Variants in FHIT observed in about 807,000 individuals in gnomAD.
FHIT encodes the protein fragile histidine triad diadenosine triphosphatase, also known as bis(5'-adenosyl)-triphosphatase.
Under a neutral mutation model 17.9 loss-of-function variants are expected in FHIT, and 19 were observed. The ratio of observed to expected loss-of-function variants is 1.06; its 90% CI spans 0.74 to 1.56. FHIT has a LOEUF of 1.56. Ranked by LOEUF, FHIT falls within the 40% of genes most tolerant of loss-of-function variation. FHIT has a pLI of 0.00. For missense variants in FHIT, 248 were observed against 189.2 expected (o/e 1.31, Z -1.82); for synonymous variants, 81 against 69.7 (o/e 1.16, Z -0.81).
intron 5 of FHIT, among the ~76,000 whole-genome samples, chr3:60,435,547 A>T (rs2030145655): frequency 6.6e-6 from 1 of 152,070 alleles, no homozygotes; most frequent in South Asian, 2.1e-4. Flanking sequence ...AAAGGCTAAT[A>T]CCTCCAGGGC....
intron 5 of FHIT, among the ~76,000 whole-genome samples, chr3:60,471,050 C>T (rs1434113414): frequency 2.0e-5 from 3 of 152,328 alleles, no homozygotes; most frequent in Admixed American, 6.5e-5. Flanking sequence ...CAGGACTCTG[C>T]CTGGTGCCCT....
At chr3:60,935,134 A>G (rs576582205) in intron 3 of FHIT, among the ~76,000 whole-genome samples, 6 of 152,330 alleles carry the variant, frequency 3.9e-5, no homozygotes, top group South Asian at 2.1e-4. Context: ...TTACAAAAAA[A>G]TCTTAATCTG....
At chr3:60,464,210 A>T (rs1057379573) in intron 5 of FHIT, among the ~76,000 whole-genome samples, 37 of 152,188 alleles carry the variant, frequency 2.4e-4, no homozygotes, top group Non-Finnish European at 4.0e-4. Context: ...CCCTGCATTC[A>T]TTTTTTTAAA....
At chr3:60,629,077 AG>A (rs2039371927) in intron 4 of FHIT, among the ~76,000 whole-genome samples, 1 of 152,152 alleles carries the variant, frequency 6.6e-6, no homozygotes, top group African/African-American at 2.4e-5. Flanking sequence ...GGTAGGTGGA[AG>A]AAGGTAATTC....
chr3:59,974,999 T>A (rs1015661408), intron 7 of FHIT, among the ~76,000 whole-genome samples: 1 of 152,156 alleles, frequency 6.6e-6, no homozygotes, highest in African/African-American at 2.4e-5. Context: ...CTTTTCTTCA[T>A]TGCACTAATC....
intron 4 of FHIT, among the ~76,000 whole-genome samples, chr3:60,759,125 C>T (rs79517905): frequency 0.012 from 1,868 of 152,046 alleles, 17 homozygotes; most frequent in Non-Finnish European, 0.018. Context: ...ATCAGGGAGA[C>T]GGCAGGGACA....
intron 5 of FHIT, among the ~76,000 whole-genome samples, chr3:60,235,451 C>T (rs192719381): frequency 2.6e-5 from 4 of 152,122 alleles, no homozygotes; most frequent in Non-Finnish European, 4.4e-5. Flanking sequence ...AGGCTGGTCT[C>T]GAACTCCTGA....
chr3:61,190,195 G>T (rs1417749345), intron 2 of FHIT, among the ~76,000 whole-genome samples: 2 of 151,986 alleles, frequency 1.3e-5, no homozygotes, highest in African/African-American at 2.4e-5. Flanking sequence ...TCTGACAAAG[G>T]GCTAATATGC....
chr3:59,834,610 C>T (rs1701277868), intron 8 of FHIT, among the ~76,000 whole-genome samples: 1 of 152,168 alleles, frequency 6.6e-6, no homozygotes, highest in South Asian at 2.1e-4. Flanking sequence ...TTACTGTATC[C>T]TCACGTGGTG....
chr3:60,634,285 A>C (rs946936774), intron 4 of FHIT, among the ~76,000 whole-genome samples: 12 of 144,230 alleles, frequency 8.3e-5, no homozygotes, highest in Non-Finnish European at 1.7e-4. Context: ...CACCACTCTA[A>C]AACAACAAAA....
intron 5 of FHIT, among the ~76,000 whole-genome samples, chr3:60,338,834 C>T (rs1710371939): frequency 6.6e-6 from 1 of 152,118 alleles, no homozygotes; most frequent in Non-Finnish European, 1.5e-5. Flanking sequence ...GCAAATTAAG[C>T]CTTCCCTCAG....
At chr3:60,853,938 GTCT>G (rs1703260180) in intron 3 of FHIT, among the ~76,000 whole-genome samples, 1 of 152,058 alleles carries the variant, frequency 6.6e-6, no homozygotes, top group Non-Finnish European at 1.5e-5. Flanking sequence ...CTGCAAAGAT[GTCT>G]TCATGTAAAA....
chr3:60,614,812 T>TC (rs1159529993), intron 4 of FHIT, among the ~76,000 whole-genome samples: 1 of 73,824 alleles, frequency 1.4e-5, no homozygotes, highest in African/African-American at 4.8e-5. Context: ...AAAAGTTGTT[T>TC]TTTTTTTGTT....
chr3:60,254,884 C>G (rs953315146), intron 5 of FHIT, among the ~76,000 whole-genome samples: 1 of 152,130 alleles, frequency 6.6e-6, no homozygotes, highest in East Asian at 1.9e-4. Context: ...TTTTGTTATT[C>G]TTATGGTTGT....
intron 5 of FHIT, among the ~76,000 whole-genome samples, chr3:60,464,427 A>G (rs368484042): frequency 6.8e-4 from 103 of 152,212 alleles, no homozygotes; most frequent in African/African-American, 2.3e-3. Flanking sequence ...GACTGTAGTC[A>G]CCCTGTTATG....
intron 4 of FHIT, among the ~76,000 whole-genome samples, chr3:60,581,442 T>C (rs1247451102): frequency 6.6e-6 from 1 of 152,114 alleles, no homozygotes; most frequent in Non-Finnish European, 1.5e-5. Context: ...GGCTGTTTTG[T>C]ACATATTATC....
At chr3:61,211,746 G>A (rs1027024258) in intron 1 of FHIT, among the ~76,000 whole-genome samples, 4 of 152,216 alleles carry the variant, frequency 2.6e-5, no homozygotes, top group African/African-American at 9.6e-5. Context: ...GCCTAACTGG[G>A]AGGCACCCCC....
chr3:60,945,164 C>T (rs1553775449), intron 3 of FHIT, among the ~76,000 whole-genome samples: 1 of 151,746 alleles, frequency 6.6e-6, no homozygotes, highest in Non-Finnish European at 1.5e-5. Context: ...CACCTAAGTG[C>T]AACAGGAGGC....
chr3:59,945,661 A>G (rs1050077740), intron 7 of FHIT, among the ~76,000 whole-genome samples: 2 of 151,648 alleles, frequency 1.3e-5, no homozygotes, highest in Non-Finnish European at 2.9e-5. Flanking sequence ...AGTCTTCAGT[A>G]GTTTTAGGTT....
Sources: gnomAD v4.1 joint callset for allele counts (sites outside exome capture counted in the v4.1 genomes callset) on GRCh38, gnomAD v4.1.1 for gene constraint, MANE v1.5 for transcripts, NCBI Gene and HGNC (gene_info 2026-07-23, HGNC 2026-07-21) for gene names.